Variants in CRACR2A observed in about 807,000 individuals in gnomAD.
CRACR2A encodes the protein EF-hand calcium-binding domain-containing protein 4B.
A neutral mutation model predicts 90.5 loss-of-function variants in CRACR2A; 79 were observed. That is an observed-to-expected ratio of 0.87 (90% CI 0.73 to 1.05). The LOEUF (loss-of-function observed/expected upper bound fraction) is 1.05. Ranked by LOEUF, CRACR2A falls within the 50% of genes least tolerant of loss-of-function variation. The probability of loss-of-function intolerance (pLI) is 0.00; values close to 1 mark genes in which losing one functional copy is unlikely to be tolerated. For missense variants in CRACR2A, 823 were observed against 897.2 expected (o/e 0.92, Z 1.06); for synonymous variants, 338 against 356.7 (o/e 0.95, Z 0.59).
chr12:3,748,860 T>C (rs559971402), intron 1 of CRACR2A, among the ~76,000 whole-genome samples: 3 of 152,320 alleles, frequency 2.0e-5, no homozygotes, highest in South Asian at 4.1e-4. Flanking sequence ...GATGACGTCA[T>C]GCTAACTTGA....
chr12:3,648,066 T>A (rs1944722114), intron 11 of CRACR2A: 2 of 992,876 alleles, frequency 2.0e-6, no homozygotes, highest in Middle Eastern at 5.1e-4. Context: ...GAGTTACGGA[T>A]TTCCATTCTG....
At chr12:3,678,887 C>T (rs750485829) in intron 6 of CRACR2A, 28 bp downstream of exon 6, 4 of 1,578,058 alleles carry the variant, frequency 2.5e-6, no homozygotes, top group Admixed American at 1.8e-5. Context: ...GGCTGGTCTC[C>T]GTTCTACAAA....
Position 3,656,307 on chromosome 12 carries a change from AT to A in CRACR2A, c.858+3del. ...GTACTCTGGGGCCATGGATGGCAAC[AT>A]ACCCTTTTCTGCTTCTGGGTGAGCT... On this transcript the variant is annotated splice_donor_region_variant and intron_variant, in intron 9 of 19. Transcript: ENST00000440314. The A allele has an allele frequency of 1.2e-6, 2 of 1,614,090 alleles. No homozygotes were observed. The highest frequency in any genetic ancestry group is 1.7e-6 in the Non-Finnish European group (2 of 1,180,004).
rs774394933 is a variant in CRACR2A at position 3,696,867 on chromosome 12, T to A, written c.133A>T (p.Thr45Ser). 6.2e-7 allele frequency: 1 copy of A among 1,614,182 alleles called. No homozygotes were observed. The highest frequency in any genetic ancestry group is 8.5e-7 in the Non-Finnish European group (1 of 1,180,036). The change falls in exon 4 of 20, where the codon ACG becomes TCG. Residue 45 changes from threonine to serine, a missense_variant. Physicochemically the swap from Thr to Ser is moderately conservative, Grantham distance 58. Coordinates refer to ENST00000440314, the MANE Select transcript of CRACR2A (RefSeq NM_001144958.2). ...SLEQKETQEQ[T>S]SGQLVMLRKA... ...CTCAGCATGACTAGCTGGCCCGACG[T>A]TTGCTCCTGAGTCTCCTTCTGCTCC...
intron 2 of CRACR2A, among the ~76,000 whole-genome samples, chr12:3,714,265 A>T (rs1946049975): frequency 6.6e-6 from 1 of 152,256 alleles, no homozygotes; most frequent in African/African-American, 2.4e-5. Context: ...CCAGCAAGGT[A>T]TTGTCCTTGT....
At chr12:3,741,516 A>G (rs907696264) in intron 1 of CRACR2A, among the ~76,000 whole-genome samples, 9 of 152,258 alleles carry the variant, frequency 5.9e-5, no homozygotes, top group Non-Finnish European at 1.0e-4. Flanking sequence ...AACGACTTTC[A>G]TATTTTCACT....
At chr12:3,632,138 G>T (rs760175959) in intron 15 of CRACR2A, among the ~76,000 whole-genome samples, 1 of 152,108 alleles carries the variant, frequency 6.6e-6, no homozygotes, top group Non-Finnish European at 1.5e-5. Flanking sequence ...TTGTTTAGAA[G>T]TTTGTAGTAC....
intron 9 of CRACR2A, among the ~76,000 whole-genome samples, chr12:3,655,220 G>A (rs1944878231): frequency 6.6e-6 from 1 of 152,194 alleles, no homozygotes; most frequent in African/African-American, 2.4e-5. Flanking sequence ...TAATTAAATC[G>A]AGTGGCAATC....
intron 7 of CRACR2A, among the ~76,000 whole-genome samples, chr12:3,661,589 C>A (rs1945038891): frequency 6.6e-6 from 1 of 152,170 alleles, no homozygotes. Flanking sequence ...AAAATAAAAT[C>A]TTGGAGGGAA....
intron 1 of CRACR2A, among the ~76,000 whole-genome samples, chr12:3,745,825 T>TAG (rs1555123103): frequency 2.0e-5 from 2 of 100,486 alleles, no homozygotes; most frequent in African/African-American, 8.1e-5. Context: ...TAAAATAAAA[T>TAG]AAAGAAAGAA....
At chr12:3,696,441 C>G (rs1201970823) in intron 4 of CRACR2A, among the ~76,000 whole-genome samples, 2 of 152,192 alleles carry the variant, frequency 1.3e-5, no homozygotes, top group Non-Finnish European at 2.9e-5. Flanking sequence ...TGTTATAACT[C>G]AAGTTGATGC....
At chr12:3,709,347 G>A (rs73033613) in intron 3 of CRACR2A, among the ~76,000 whole-genome samples, 16,783 of 152,246 alleles carry the variant, frequency 0.11, 1,057 homozygotes, top group Middle Eastern at 0.17. Context: ...CCAATAAAGA[G>A]GAGGTTTTCT....
chr12:3,650,030 AT>A (rs1470914806), intron 10 of CRACR2A, among the ~76,000 whole-genome samples: 1 of 152,118 alleles, frequency 6.6e-6, no homozygotes, highest in Non-Finnish European at 1.5e-5. Flanking sequence ...TGCTTTAGAC[AT>A]TTTTTAATCA....
At chr12:3,654,178 A>T in intron 10 of CRACR2A, 34 bp downstream of exon 10, 1 of 1,600,136 alleles carries the variant, frequency 6.2e-7, no homozygotes, top group Non-Finnish European at 8.5e-7. Context: ...TGGTGCGGGA[A>T]GACAGCAGAG....
rs933890714 is a variant in CRACR2A, at chr12:3,638,000, T to C, written c.1602+124A>G. ...GAAAGTGGTATTTGGAGGACACATA[T>C]GTGGTGAATCATAAGACCTGCAGCA... is the stretch of plus-strand genomic sequence containing the variant. On this transcript the variant is annotated intron_variant, in intron 14 of 19. Coordinates refer to ENST00000440314, the MANE Select transcript of CRACR2A (RefSeq NM_001144958.2). 8.7e-6 allele frequency: 8 copies of C among 917,696 alleles called. No homozygotes were observed. The African/African-American group carries it at 1.0e-4, about 12-fold the overall frequency. 56.8% of individuals were successfully genotyped at this position (917,696 alleles called of 1,614,324 possible).
At chr12:3,657,363 A>G (rs1399063222) in intron 8 of CRACR2A, among the ~76,000 whole-genome samples, 1 of 152,218 alleles carries the variant, frequency 6.6e-6, no homozygotes, top group Admixed American at 6.5e-5. Context: ...TGTCATATGG[A>G]AGGACTCTTT....
At chr12:3,616,849 G>T in intron 19 of CRACR2A, 105 bp downstream of exon 19, 3 of 859,968 alleles carry the variant, frequency 3.5e-6, no homozygotes, top group Non-Finnish European at 5.7e-6. Context: ...TAGGGAGGAA[G>T]GGGGGTCAGA....
chr12:3,650,398 CCAATTGAGCAA>C (rs1233216504), intron 10 of CRACR2A, among the ~76,000 whole-genome samples: 4 of 152,300 alleles, frequency 2.6e-5, no homozygotes, highest in East Asian at 1.9e-4. Context: ...TCAGACAATT[CCAATTGAGCAA>C]CAAACTTTCT....
At position 3,679,016 on chromosome 12, in the gene CRACR2A, A is replaced by G. The variant is rs777071325; in HGVS notation, c.423T>C (p.Tyr141=). ...QVAQRHEEKV[Y]LSRGDEDLGD... The stretch of plus-strand genomic sequence containing the variant: ...CCAGATCCTCATCCCCTCTGGACAG[A>G]TACACCTTCTCTTCATGGCGCTGGG... Residue 141 remains tyrosine (Y), a synonymous_variant, in exon 6 of 20, where the codon TAT becomes TAC. Coordinates refer to ENST00000440314, the MANE Select transcript of CRACR2A (RefSeq NM_001144958.2). The G allele has an allele frequency of 6.8e-6, 11 of 1,613,972 alleles. No individual in the cohort carries two copies. Among genetic ancestry groups the G allele is most frequent in the East Asian group, 2.2e-5 (1 of 44,882 alleles).
Sources: allele counts gnomAD v4.1 joint callset (sites outside exome capture counted in the v4.1 genomes callset), GRCh38; gene constraint gnomAD v4.1.1; transcripts MANE v1.5; gene names NCBI Gene and HGNC (gene_info 2026-07-23, HGNC 2026-07-21).